The following SPRR2G variants were observed in gnomAD, a reference collection of about 807,000 sequenced individuals.
SPRR2G encodes the protein small proline rich protein 2G, also known as small proline-rich protein 2G.
SPRR2G carries 1 observed loss-of-function variant against 0.7 expected under a neutral mutation model. That is an observed-to-expected ratio of 1.49 (90% CI 0.53 to 7.06). The LOEUF (loss-of-function observed/expected upper bound fraction) is 7.06, where lower values mean the gene tolerates loss of function less well. SPRR2G is among the 30% of genes most tolerant of loss of function. The pLI, the probability that SPRR2G is intolerant of heterozygous loss-of-function variation, is 0.14. For synonymous variants in SPRR2G, 38 were observed against 33.9 expected (o/e 1.12, Z -0.42); for missense variants, 96 against 88.5 (o/e 1.09, Z -0.34).
At chr1:153,179,567 T>G in the SPRR2G span, among the ~76,000 whole-genome samples, 1 of 152,130 alleles carries the variant, frequency 6.6e-6, no homozygotes. Context: ...ACAAACTAAA[T>G]AAGGATAATA....
chr1:153,164,571 C>T, the SPRR2G span, among the ~76,000 whole-genome samples: 2 of 152,134 alleles, frequency 1.3e-5, no homozygotes, highest in Non-Finnish European at 2.9e-5. Context: ...ATACCAAAAT[C>T]CACAGATGCT....
chr1:153,191,882 A>C, the SPRR2G span, among the ~76,000 whole-genome samples: 1 of 152,206 alleles, frequency 6.6e-6, no homozygotes, highest in Non-Finnish European at 1.5e-5. Flanking sequence ...CTATCCAGCT[A>C]AATTAAGTTC....
chr1:153,175,844 G>A, the SPRR2G span, among the ~76,000 whole-genome samples: 2 of 152,110 alleles, frequency 1.3e-5, no homozygotes, highest in Admixed American at 1.3e-4. Flanking sequence ...CAACACTTTG[G>A]GAGGCCAAGG....
At chr1:153,181,186 G>A in the SPRR2G span, among the ~76,000 whole-genome samples, 2 of 151,990 alleles carry the variant, frequency 1.3e-5, no homozygotes, top group African/African-American at 2.4e-5. Context: ...ACCTGATTAA[G>A]GAATCTTTCC....
At chr1:153,185,067 G>T in the SPRR2G span, among the ~76,000 whole-genome samples, 1 of 152,150 alleles carries the variant, frequency 6.6e-6, no homozygotes, top group Non-Finnish European at 1.5e-5. Context: ...ACCTGATTGT[G>T]GTGGATAAGC....
the SPRR2G span, among the ~76,000 whole-genome samples, chr1:153,162,965 G>A: frequency 2.2e-4 from 33 of 152,242 alleles, no homozygotes; most frequent in East Asian, 3.1e-3. Flanking sequence ...TGCCTAAAAT[G>A]ACAATAAAGA....
the SPRR2G span, among the ~76,000 whole-genome samples, chr1:153,166,303 G>C: frequency 1.3e-5 from 2 of 152,226 alleles, no homozygotes; most frequent in Non-Finnish European, 2.9e-5. Flanking sequence ...TCTGATTATA[G>C]TAGAGGGGAA....
the SPRR2G span, among the ~76,000 whole-genome samples, chr1:153,199,046 T>C: frequency 6.6e-6 from 1 of 152,190 alleles, no homozygotes; most frequent in South Asian, 2.1e-4. Context: ...TAAAGTCAAA[T>C]AGGATAAACC....
At chr1:153,180,240 G>T in the SPRR2G span, among the ~76,000 whole-genome samples, 2 of 152,116 alleles carry the variant, frequency 1.3e-5, no homozygotes, top group African/African-American at 4.8e-5. Flanking sequence ...CAGTCCACCT[G>T]GGAAGCAGGT....
At chr1:153,186,104 T>A in the SPRR2G span, among the ~76,000 whole-genome samples, 3 of 152,206 alleles carry the variant, frequency 2.0e-5, no homozygotes, top group Non-Finnish European at 4.4e-5. Flanking sequence ...TCCATTCTTT[T>A]GCATTTGCTG....
At chr1:153,150,495 C>T (rs1490603616) in intron 1 of SPRR2G, among the ~76,000 whole-genome samples, 1 of 152,110 alleles carries the variant, frequency 6.6e-6, no homozygotes, top group South Asian at 2.1e-4. Context: ...TTTTAATGAG[C>T]TGGCTGTGGT....
the SPRR2G span, among the ~76,000 whole-genome samples, chr1:153,199,529 C>T: frequency 0.051 from 7,734 of 152,164 alleles, 419 homozygotes; most frequent in East Asian, 0.18. Context: ...TTTCTCATTC[C>T]TTTGCAGCCC....
At chr1:153,185,629 A>G in the SPRR2G span, among the ~76,000 whole-genome samples, 1 of 151,994 alleles carries the variant, frequency 6.6e-6, no homozygotes, top group Non-Finnish European at 1.5e-5. Flanking sequence ...TAGTCTGGCT[A>G]GCAGTCTATC....
the SPRR2G span, among the ~76,000 whole-genome samples, chr1:153,199,775 T>C: frequency 9.2e-5 from 14 of 152,100 alleles, no homozygotes; most frequent in Non-Finnish European, 1.5e-5. Context: ...AATCATGCGA[T>C]TTCTTAGCAT....
At chr1:153,171,608 C>A in the SPRR2G span, among the ~76,000 whole-genome samples, 1 of 152,190 alleles carries the variant, frequency 6.6e-6, no homozygotes, top group South Asian at 2.1e-4. Context: ...TTTCCACTGG[C>A]TAGGGCTTGG....
the SPRR2G span, among the ~76,000 whole-genome samples, chr1:153,197,132 ATG>A: frequency 0.045 from 6,245 of 139,966 alleles, 150 homozygotes; most frequent in Non-Finnish European, 0.06. Context: ...CAGGCAGAGA[ATG>A]TGTGTGTGTG....
chr1:153,196,475 T>C, the SPRR2G span, among the ~76,000 whole-genome samples: 4 of 152,246 alleles, frequency 2.6e-5, no homozygotes, highest in Non-Finnish European at 5.9e-5. Context: ...ACATTTAGGT[T>C]ATTTTCACAT....
chr1:153,184,222 G>A, the SPRR2G span, among the ~76,000 whole-genome samples: 1 of 152,274 alleles, frequency 6.6e-6, no homozygotes, highest in East Asian at 1.9e-4. Context: ...GGTTCCACAT[G>A]AAATTTAAAG....
upstream of SPRR2G, among the ~76,000 whole-genome samples, chr1:153,152,873 T>G (rs1029143849): frequency 7.9e-5 from 12 of 152,204 alleles, no homozygotes; most frequent in Non-Finnish European, 1.6e-4. Flanking sequence ...TACCAATAAA[T>G]TATTTGGTTT....
Sources: gnomAD v4.1 joint callset for allele counts (sites outside exome capture counted in the v4.1 genomes callset) on GRCh38, gnomAD v4.1.1 for gene constraint, MANE v1.5 for transcripts, NCBI Gene and HGNC (gene_info 2026-07-23, HGNC 2026-07-21) for gene names.